Variants in EZR observed in about 807,000 individuals in gnomAD.
EZR encodes cytovillin 2.
Under a neutral mutation model 74.8 loss-of-function variants are expected in EZR, and 40 were observed. That is an observed-to-expected ratio of 0.53 (90% CI 0.42 to 0.70). The LOEUF (loss-of-function observed/expected upper bound fraction) is 0.70. Ranked by LOEUF, EZR falls within the 30% of genes least tolerant of loss-of-function variation. The probability of loss-of-function intolerance (pLI) is 0.00; values close to 1 mark genes in which losing one functional copy is unlikely to be tolerated. For synonymous variants in EZR, 341 were observed against 283.3 expected (o/e 1.20, Z -2.05); for missense variants, 678 against 755.8 (o/e 0.90, Z 1.21).
chr6:158,818,985 T>C (rs1777630630), intron 1 of EZR, among the ~76,000 whole-genome samples: 1 of 152,116 alleles, frequency 6.6e-6, no homozygotes, highest in Non-Finnish European at 1.5e-5. Context: ...TAGCAACCGT[T>C]GCCCCGCGGC....
intron 2 of EZR, among the ~76,000 whole-genome samples, chr6:158,791,080 C>T (rs557058388): frequency 2.6e-4 from 40 of 152,308 alleles, no homozygotes; most frequent in Admixed American, 1.2e-3. Context: ...TAATTAGTCT[C>T]CCCAGCCGCT....
At chr6:158,768,473 G>A (rs560728849) in intron 12 of EZR, among the ~76,000 whole-genome samples, 6 of 152,274 alleles carry the variant, frequency 3.9e-5, no homozygotes, top group Admixed American at 2.0e-4. Flanking sequence ...CAGCAGCCCT[G>A]GAGAGCCGGG....
At chr6:158,803,565 A>G (rs1336702086) in intron 2 of EZR, among the ~76,000 whole-genome samples, 2 of 4,274 alleles carry the variant, frequency 4.7e-4, no homozygotes, top group Admixed American at 1.5e-3. Context: ...ATATATATAT[A>G]TATATATATA....
At chr6:158,813,785 A>G (rs1020928047) in intron 2 of EZR, among the ~76,000 whole-genome samples, 1 of 152,250 alleles carries the variant, frequency 6.6e-6, no homozygotes, top group African/African-American at 2.4e-5. Flanking sequence ...AGAAATGTCT[A>G]TAACACTTCA....
Position 158,769,325 on chromosome 6 carries a change from C to A in EZR, c.1344+1G>T, listed in dbSNP as rs2128564110. The A allele has an allele frequency of 6.2e-7, 1 of 1,609,016 alleles. No individual in the cohort carries two copies. Among genetic ancestry groups the A allele is most frequent in the Non-Finnish European group, 8.5e-7 (1 of 1,179,928 alleles). On this transcript the variant is annotated splice_donor_variant, in intron 12 of 13. Transcript: ENST00000367075. LOFTEE classifies it high-confidence loss of function. The stretch of plus-strand genomic sequence containing the variant: ...CGGAGGTGTCCCCCGTGCAGACTCA[C>A]CCTGTGCTGCCACTCTTCAACTTCA...
intron 2 of EZR, among the ~76,000 whole-genome samples, chr6:158,809,078 C>T (rs1459740651): frequency 1.3e-5 from 2 of 152,244 alleles, no homozygotes; most frequent in Admixed American, 6.5e-5. Context: ...GCTTGAGCAA[C>T]AGAGCAAGAC....
intron 2 of EZR, among the ~76,000 whole-genome samples, chr6:158,806,466 C>T (rs1461817283): frequency 6.7e-6 from 1 of 149,194 alleles, no homozygotes; most frequent in African/African-American, 2.5e-5. Context: ...CTTTCTTCTA[C>T]TCTACCACTT....
intron 5 of EZR, among the ~76,000 whole-genome samples, 157 bp from the exon 6 acceptor site, chr6:158,784,884 T>C (rs1265088440): frequency 6.6e-6 from 1 of 152,246 alleles, no homozygotes; most frequent in Non-Finnish European, 1.5e-5. Context: ...AGCATTTCTA[T>C]TTATGACAGT....
intron 2 of EZR, among the ~76,000 whole-genome samples, chr6:158,803,582 C>CAT (rs60495898): frequency 9.2e-5 from 4 of 43,664 alleles, no homozygotes; most frequent in Non-Finnish European, 2.0e-4. Flanking sequence ...TATATATATA[C>CAT]ATATATATAT....
At chr6:158,807,460 T>C (rs1777367472) in intron 2 of EZR, among the ~76,000 whole-genome samples, 1 of 152,106 alleles carries the variant, frequency 6.6e-6, no homozygotes, top group South Asian at 2.1e-4. Context: ...TGAGAAAGGA[T>C]GGAAGAGTAA....
chr6:158,779,471 G>A (rs1006474108), intron 7 of EZR, among the ~76,000 whole-genome samples: 1 of 152,116 alleles, frequency 6.6e-6, no homozygotes, highest in African/African-American at 2.4e-5. Context: ...TTTGGACTAC[G>A]GTTACATAAG....
intron 12 of EZR, among the ~76,000 whole-genome samples, chr6:158,769,007 G>T (rs1286554390): frequency 1.3e-5 from 2 of 152,176 alleles, no homozygotes; most frequent in African/African-American, 4.8e-5. Context: ...TTCCTGACCG[G>T]GGGCTGTCAG....
chr6:158,774,672 A>AACAC (rs56400693), intron 8 of EZR, among the ~76,000 whole-genome samples: 9,754 of 142,316 alleles, frequency 0.069, 366 homozygotes, highest in Middle Eastern at 0.11. Context: ...CTTATCATCA[A>AACAC]ACACACACAC....
chr6:158,795,875 G>A (rs968886651), intron 2 of EZR, among the ~76,000 whole-genome samples: 3 of 152,204 alleles, frequency 2.0e-5, no homozygotes, highest in Non-Finnish European at 4.4e-5. Context: ...GGGTTTGAGA[G>A]CTAGCTCTGT....
At chr6:158,793,749 A>G (rs1791802758) in intron 2 of EZR, among the ~76,000 whole-genome samples, 1 of 152,204 alleles carries the variant, frequency 6.6e-6, no homozygotes, top group Non-Finnish European at 1.5e-5. Flanking sequence ...CTCTATGGGG[A>G]AAAGGGAGGA....
At chr6:158,778,595 C>A (rs1791345459) in intron 7 of EZR, among the ~76,000 whole-genome samples, 1 of 152,130 alleles carries the variant, frequency 6.6e-6, no homozygotes, top group African/African-American at 2.4e-5. Flanking sequence ...TTGCTTAGGC[C>A]ACACATTAAA....
At chr6:158,768,739 C>T (rs1488016887) in intron 12 of EZR, among the ~76,000 whole-genome samples, 1 of 152,166 alleles carries the variant, frequency 6.6e-6, no homozygotes. Context: ...GGGCATGGGA[C>T]CTCGCATCTG....
chr6:158,801,747 G>T (rs1583581137), intron 2 of EZR, among the ~76,000 whole-genome samples: 1 of 152,184 alleles, frequency 6.6e-6, no homozygotes, highest in Non-Finnish European at 1.5e-5. Context: ...CCCCACAGGG[G>T]TCAAAGTGCT....
intron 12 of EZR, among the ~76,000 whole-genome samples, 184 bp from the exon 13 acceptor site, chr6:158,767,696 AC>A (rs1372433158): frequency 2.0e-5 from 3 of 152,170 alleles, no homozygotes; most frequent in African/African-American, 7.2e-5. Flanking sequence ...TGCGTCCAAG[AC>A]AGGAAGAGGA....
Sources: gnomAD v4.1 joint callset for allele counts (sites outside exome capture counted in the v4.1 genomes callset) on GRCh38, gnomAD v4.1.1 for gene constraint, MANE v1.5 for transcripts, NCBI Gene and HGNC (gene_info 2026-07-23, HGNC 2026-07-21) for gene names.